The following ZNF486 variants were observed in gnomAD, a reference collection of about 807,000 sequenced individuals.
ZNF486 encodes the protein zinc finger protein 486.
Under a neutral mutation model 12.8 loss-of-function variants are expected in ZNF486, and 12 were observed. That is an observed-to-expected ratio of 0.94 (90% CI 0.60 to 1.52). The LOEUF (loss-of-function observed/expected upper bound fraction) is 1.52. Among genes scored for constraint, ZNF486 ranks in the 40% most tolerant of loss-of-function variants. ZNF486 has a pLI of 0.00. For synonymous variants in ZNF486, 231 were observed against 184.9 expected, an observed-to-expected ratio of 1.25 and a Z score of -2.02; for missense variants, 738 against 545.0, an observed-to-expected ratio of 1.35 and a Z score of -3.53.
chr19:20,175,789 C>G (rs1437579062), intron 1 of ZNF486, among the ~76,000 whole-genome samples: 3 of 152,246 alleles, frequency 2.0e-5, no homozygotes, highest in African/African-American at 4.8e-5. Flanking sequence ...CCTTTCCCCC[C>G]TTTCTATTCC....
At position 20,196,989 on chromosome 19, in the gene ZNF486, C is replaced by T. The variant is rs1209693858; in HGVS notation, c.279C>T (p.Asp93=). The T allele has an allele frequency of 1.9e-6, 3 of 1,568,444 alleles. No homozygotes were observed. Among genetic ancestry groups the T allele is most frequent in the Non-Finnish European group, 2.6e-6 (3 of 1,163,230 alleles). ...PPVVCSHFAQ[D]LWPEQSIKDS... is the part of the protein sequence containing the mutation. ...TTGTGTGTTCTCATTTTGCCCAAGACCTTTGGCCAGAGCAGAGCATAAAAG... is the reference window on the plus strand; with the variant it reads ...TTGTGTGTTCTCATTTTGCCCAAGATCTTTGGCCAGAGCAGAGCATAAAAG... The change falls in exon 4 of 4, where the codon GAC becomes GAT. Residue 93 remains aspartate, a synonymous_variant. Coordinates refer to ENST00000335117, the MANE Select transcript of ZNF486 (RefSeq NM_052852.4).
chr19:20,199,582 T>C lies in ZNF486; in HGVS notation c.*1480T>C, dbSNP rs1395483833. The C allele has an allele frequency of 7.9e-5, 12 of 151,892 alleles. No homozygotes were observed. Among genetic ancestry groups the C allele is most frequent in the African/African-American group, 2.9e-4 (12 of 41,330 alleles). The allele number at this position is 151,892 out of a possible 1,614,324, so 9.4% of individuals were successfully genotyped here. A position where few individuals can be genotyped will look rare whatever the true frequency, so the allele number is the denominator to read the frequency against. ...CCAGTCTCTACTGAAAATATAAAAT[T>C]AGCCATGCATGGTGGCACATGCCTG... is the stretch of plus-strand genomic sequence containing the variant. On this transcript the variant is annotated 3_prime_UTR_variant, in exon 4 of 4. Coordinates refer to ENST00000335117, the MANE Select transcript of ZNF486 (RefSeq NM_052852.4).
intron 1 of ZNF486, among the ~76,000 whole-genome samples, chr19:20,169,548 G>T (rs919153417): frequency 1.7e-4 from 26 of 152,322 alleles, no homozygotes; most frequent in African/African-American, 6.0e-4. Flanking sequence ...AGCCCCACAG[G>T]TAGTTAAGAT....
chr19:20,185,795 C>A (rs2089836560), intron 2 of ZNF486, among the ~76,000 whole-genome samples, 192 bp from the exon 3 acceptor site: 1 of 143,428 alleles, frequency 7.0e-6, no homozygotes, highest in Non-Finnish European at 1.5e-5. Flanking sequence ...TTATTTTACT[C>A]CATCTCCAAA....
intron 1 of ZNF486, among the ~76,000 whole-genome samples, chr19:20,169,946 A>C (rs1422077608): frequency 7.2e-6 from 1 of 139,734 alleles, no homozygotes; most frequent in African/African-American, 2.8e-5. Context: ...GCTGGAGTGC[A>C]GTGGCGCGAT....
chr19:20,189,263 G>T (rs966674272), intron 3 of ZNF486, among the ~76,000 whole-genome samples: 9 of 152,104 alleles, frequency 5.9e-5, no homozygotes, highest in African/African-American at 2.2e-4. Context: ...AGTATTATGG[G>T]GTTTATTATG....
At chr19:20,177,890 C>CT (rs2089739452) in intron 1 of ZNF486, among the ~76,000 whole-genome samples, 1 of 148,552 alleles carries the variant, frequency 6.7e-6, no homozygotes, top group Non-Finnish European at 1.5e-5. Flanking sequence ...CGTTTTCTTT[C>CT]TGTTCTATTA....
chr19:20,170,303 C>T (rs1416705468), intron 1 of ZNF486, among the ~76,000 whole-genome samples: 5 of 151,894 alleles, frequency 3.3e-5, no homozygotes, highest in African/African-American at 7.3e-5. Flanking sequence ...TTAGGCCAGG[C>T]GCGATGGCTC....
At chr19:20,186,421 A>T (rs116371359) in intron 3 of ZNF486, among the ~76,000 whole-genome samples, 164 of 152,266 alleles carry the variant, frequency 1.1e-3, no homozygotes, top group African/African-American at 3.9e-3. Context: ...CGTGATTTTG[A>T]GAAACTAAAA....
At position 20,197,835 on chromosome 19, in the gene ZNF486, G is replaced by A. The variant is rs189646827; in HGVS notation, c.1125G>A (p.Glu375=). ...LTMHKIIHTG[E]KPYKCEECGK... ...TGCATAAGATAATTCATACTGGAGA[G>A]AAACCATACAAATGTGAAGAATGTG... The change falls in exon 4 of 4, where the codon GAG becomes GAA. Residue 375 remains glutamate (E), a synonymous_variant. Transcript: ENST00000335117. 6 of 1,613,732 alleles carry A rather than the reference G, an allele frequency of 3.7e-6. No homozygotes were observed. The highest frequency in any genetic ancestry group is 5.1e-6 in the Non-Finnish European group (6 of 1,179,910).
intron 3 of ZNF486, among the ~76,000 whole-genome samples, chr19:20,193,401 C>T (rs894271317): frequency 6.6e-6 from 1 of 151,222 alleles, no homozygotes; most frequent in Admixed American, 6.6e-5. Flanking sequence ...GTGGCTCATG[C>T]CTGTGTTCTC....
At chr19:20,171,140 A>G (rs1555713827) in intron 1 of ZNF486, among the ~76,000 whole-genome samples, 1 of 152,192 alleles carries the variant, frequency 6.6e-6, no homozygotes, top group African/African-American at 2.4e-5. Flanking sequence ...AGCAAACTCT[A>G]CAGATATGGT....
chr19:20,187,337 G>T (rs976418582), intron 3 of ZNF486, among the ~76,000 whole-genome samples: 5 of 151,802 alleles, frequency 3.3e-5, no homozygotes, highest in Admixed American at 1.3e-4. Context: ...TACAAACAGC[G>T]ACTTTTTACT....
intron 1 of ZNF486, among the ~76,000 whole-genome samples, chr19:20,170,248 C>T (rs1463459053): frequency 6.6e-6 from 1 of 151,778 alleles, no homozygotes; most frequent in Non-Finnish European, 1.5e-5. Flanking sequence ...ATTCAGGAGC[C>T]TGAGGGAGGG....
chr19:20,178,831 G>T (rs1036127853), intron 1 of ZNF486, among the ~76,000 whole-genome samples: 3 of 152,160 alleles, frequency 2.0e-5, no homozygotes, highest in Non-Finnish European at 2.9e-5. Context: ...AATGACTCCT[G>T]TATCTTCAGA....
At chr19:20,185,939 A>G in intron 2 of ZNF486, 48 bp from the exon 3 acceptor site, 1 of 1,247,972 alleles carries the variant, frequency 8.0e-7, no homozygotes, top group East Asian at 2.7e-5. Context: ...CTAGCTTGTA[A>G]TTGAGAAATA....
Position 20,197,873 on chromosome 19 carries a change from C to T in ZNF486, c.1163C>T (p.Thr388Ile). Residue 388 changes from threonine (T) to isoleucine (I), a missense_variant, in exon 4 of 4, where the codon ACA becomes ATA. Thr to Ile is a moderately conservative substitution (Grantham distance 89, BLOSUM62 -1). Coordinates refer to ENST00000335117, the MANE Select transcript of ZNF486 (RefSeq NM_052852.4). ...TGTGAAGAATGTGGCAAAGCCTTTA[C>T]ATGGTCTGCAGGCCTCCATAAACAT... ...YKCEECGKAF[T>I]WSAGLHKHRR... 1.9e-6 allele frequency: 3 copies of T among 1,612,568 alleles called. No homozygotes were observed. The highest frequency in any genetic ancestry group is 2.5e-6 in the Non-Finnish European group (3 of 1,179,684).
intron 1 of ZNF486, among the ~76,000 whole-genome samples, chr19:20,167,846 A>G (rs1336940553): frequency 1.3e-5 from 2 of 150,662 alleles, no homozygotes; most frequent in Non-Finnish European, 3.0e-5. Context: ...GGTTGCTAGG[A>G]CAACTAAATT....
In ZNF486 at chr19:20,199,338, A is replaced by T. The variant is rs930176595; in HGVS notation, c.*1236A>T. 6 of 152,214 alleles carry T rather than the reference A, an allele frequency of 3.9e-5. No individual in the cohort carries two copies. The highest frequency in any genetic ancestry group is 8.8e-5 in the Non-Finnish European group (6 of 68,042). The allele number at this position is 152,214 out of a possible 1,614,324, so 9.4% of individuals were successfully genotyped here. On this transcript the variant is annotated 3_prime_UTR_variant, in exon 4 of 4. Coordinates refer to ENST00000335117, the MANE Select transcript of ZNF486 (RefSeq NM_052852.4). ...CTTATTGCCCGCGTTTTGTATTAGAAGGAAACCCTAAAGCGGTTGCCAAAC... is the reference window on the plus strand; with the variant it reads ...CTTATTGCCCGCGTTTTGTATTAGATGGAAACCCTAAAGCGGTTGCCAAAC...
Sources: gnomAD v4.1 joint callset for allele counts (sites outside exome capture counted in the v4.1 genomes callset) on GRCh38, gnomAD v4.1.1 for gene constraint, MANE v1.5 for transcripts, NCBI Gene and HGNC (gene_info 2026-07-23, HGNC 2026-07-21) for gene names.